The following PEX1 variants were observed in gnomAD, a reference collection of about 807,000 sequenced individuals.
PEX1 encodes peroxisomal biogenesis factor 1.
A neutral mutation model predicts 152.5 loss-of-function variants in PEX1; 97 were observed. The observed-to-expected ratio is 0.64, with a 90% confidence interval of 0.54 to 0.75. The LOEUF (loss-of-function observed/expected upper bound fraction) is 0.75. PEX1 is among the 30% of genes least tolerant of loss of function. The pLI, the probability that PEX1 is intolerant of heterozygous loss-of-function variation, is 0.00. For missense variants in PEX1, 1,357 were observed against 1,516.3 expected (o/e 0.89, Z 1.74); for synonymous variants, 485 against 531.6 (o/e 0.91, Z 1.21).
intron 7 of PEX1, 137 bp downstream of exon 7, chr7:92,511,443 A>T: frequency 1.3e-6 from 1 of 782,338 alleles, no homozygotes; most frequent in Non-Finnish European, 2.0e-6. Context: ...TTTTCAATAC[A>T]TAAAAACTAC....
chr7:92,512,028 G>A (rs1383083985), intron 6 of PEX1, among the ~76,000 whole-genome samples: 3 of 152,184 alleles, frequency 2.0e-5, no homozygotes, highest in Non-Finnish European at 2.9e-5. Context: ...GATAAAGACA[G>A]GAAAACAAAT....
rs61750428 is a variant in PEX1, at chr7:92,494,331, G to T, written c.2992C>A (p.Arg998=). 2.5e-6 allele frequency: 4 copies of T among 1,613,690 alleles called. No individual in the cohort carries two copies. Among genetic ancestry groups the T allele is most frequent in the Non-Finnish European group, 2.5e-6 (3 of 1,179,904 alleles). The change falls in exon 19 of 24, where the codon CGA becomes AGA. Residue 998 remains arginine, a synonymous_variant. Coordinates refer to ENST00000248633, the MANE Select transcript of PEX1 (RefSeq NM_000466.3). ...GGACAGTATACACATTTATCTAGTC[G>T]ACCAGGCCTAAGCAGGGCAGGGTCA... ...LIDPALLRPG[R]LDKCVYCPPP...
At chr7:92,514,737 A>T (rs2116225245) in intron 5 of PEX1, among the ~76,000 whole-genome samples, 1 of 152,260 alleles carries the variant, frequency 6.6e-6, no homozygotes, top group African/African-American at 2.4e-5. Flanking sequence ...ATATACTAAA[A>T]ATGACTGAAT....
chr7:92,490,491 T>C (rs952324215), intron 21 of PEX1, among the ~76,000 whole-genome samples: 8 of 151,804 alleles, frequency 5.3e-5, no homozygotes, highest in African/African-American at 1.9e-4. Flanking sequence ...AAAAATTAGC[T>C]GGGCATGGTG....
chr7:92,492,779 T>G (rs937499660), intron 20 of PEX1, among the ~76,000 whole-genome samples, 174 bp downstream of exon 20: 21 of 152,220 alleles, frequency 1.4e-4, no homozygotes, highest in Non-Finnish European at 2.8e-4. Context: ...TAATTATAAA[T>G]TCTCTGCAAA....
chr7:92,489,573 A>G (rs1334418793), intron 22 of PEX1, 141 bp downstream of exon 22: 2 of 1,024,856 alleles, frequency 2.0e-6, no homozygotes, highest in Non-Finnish European at 3.0e-6. Flanking sequence ...GCAAGGAAGC[A>G]CATAACCATG....
chr7:92,488,411 C>G (rs28562176), intron 23 of PEX1, among the ~76,000 whole-genome samples: 1,861 of 152,222 alleles, frequency 0.012, 41 homozygotes, highest in African/African-American at 0.043. Context: ...AAGGTAGCAG[C>G]TTCTAAAGAC....
chr7:92,521,258 G>A (rs1793036873), intron 2 of PEX1, among the ~76,000 whole-genome samples: 1 of 151,654 alleles, frequency 6.6e-6, no homozygotes. Flanking sequence ...AAGCCATTGA[G>A]CCCAGCCTCA....
intron 2 of PEX1, among the ~76,000 whole-genome samples, chr7:92,521,747 T>C (rs1342960167): frequency 6.6e-6 from 1 of 152,230 alleles, no homozygotes; most frequent in Non-Finnish European, 1.5e-5. Flanking sequence ...GAATTTTTTA[T>C]TTTTAATCAA....
chr7:92,502,971 A>G, intron 13 of PEX1, 70 bp downstream of exon 13: 1 of 1,308,390 alleles, frequency 7.6e-7, no homozygotes, highest in Non-Finnish European at 1.1e-6. Flanking sequence ...GCCACGAATT[A>G]CTAATAAAAT....
rs758268792 is a variant in PEX1, at chr7:92,503,068, G to A, written c.2199C>T (p.Cys733=). 10 of 1,613,426 alleles carry A rather than the reference G, an allele frequency of 6.2e-6. No individual in the cohort carries two copies. The highest frequency in any genetic ancestry group is 3.3e-5 in the Admixed American group (2 of 60,010). Residue 733 remains cysteine (C), a synonymous_variant, in exon 13 of 24, where the codon TGC becomes TGT. Coordinates refer to ENST00000248633, the MANE Select transcript of PEX1 (RefSeq NM_000466.3). ...GATTAGGAGGCTGAATGTGTTGGAC[G>A]CACTGAAATATGTGAACTCCTTGAG... ...VSAQGVHIFQ[C]VQHIQPPNQE... is the part of the protein sequence containing the mutation.
chr7:92,501,460 T>A (rs1791921467), intron 15 of PEX1, 47 bp downstream of exon 15: 5 of 1,494,142 alleles, frequency 3.3e-6, no homozygotes, highest in Non-Finnish European at 3.7e-6. Context: ...AATAATACAG[T>A]GGTTCTTCTG....
chr7:92,518,580 T>C (rs1476734608), intron 3 of PEX1, among the ~76,000 whole-genome samples: 5 of 152,188 alleles, frequency 3.3e-5, no homozygotes, highest in Admixed American at 2.6e-4. Flanking sequence ...TTCATTCTTT[T>C]TTTATTTGAG....
Position 92,494,380 on chromosome 7 carries a change from A to T in PEX1, c.2943T>A (p.Ala981=). ...VEGLQGVYVL[A]ATSRPDLIDP... ...CAATCAAGTCAGGGCGACTAGTAGC[A>T]GCCAATACATAAACACCTAGAGGAA... Residue 981 remains alanine (A), a synonymous_variant, in exon 19 of 24, where the codon GCT becomes GCA. Coordinates refer to ENST00000248633, the MANE Select transcript of PEX1 (RefSeq NM_000466.3). The T allele has an allele frequency of 6.2e-7, 1 of 1,613,986 alleles. No homozygotes were observed. The highest frequency in any genetic ancestry group is 1.1e-5 in the South Asian group (1 of 91,074).
chr7:92,501,391 C>T (rs1791917075), intron 15 of PEX1, 116 bp downstream of exon 15: 5 of 781,524 alleles, frequency 6.4e-6, no homozygotes, highest in Non-Finnish European at 1.1e-5. Context: ...TTTGGTAACT[C>T]AGTAAACACT....
In PEX1 at chr7:92,517,992, G is replaced by A. The variant is rs1295361699; in HGVS notation, c.523C>T (p.Leu175Phe). 14 of 1,613,866 alleles carry A rather than the reference G, an allele frequency of 8.7e-6. No individual in the cohort carries two copies. Among genetic ancestry groups the A allele is most frequent in the East Asian group, 6.7e-5 (3 of 44,886 alleles). ...SYGRLETDTKLLIQPKTRRAK... is the reference protein window; with the variant it reads ...SYGRLETDTKFLIQPKTRRAK... ...CGGCGTGTCTTTGGCTGAATAAGGA[G>A]TTTGGTGTCAGTTTCCAGCCTTCCA... The change falls in exon 5 of 24, where the codon CTC becomes TTC. Residue 175 changes from leucine (L) to phenylalanine (F), a missense_variant. Leu to Phe is a conservative substitution (Grantham distance 22). Transcript: ENST00000248633.
chr7:92,509,261 A>T, intron 9 of PEX1, 68 bp downstream of exon 9: 1 of 1,012,312 alleles, frequency 9.9e-7, no homozygotes, highest in Non-Finnish European at 1.6e-6. Context: ...TAATATTTAC[A>T]TTGAAAACTC....
Position 92,517,753 on chromosome 7 carries a change from G to GGAAAAAATGCTT in PEX1, c.750_761dup (p.Ser251_Ser254dup). The GGAAAAAATGCTT allele has an allele frequency of 6.3e-7, 1 of 1,598,218 alleles. No homozygotes were observed. Among genetic ancestry groups the GGAAAAAATGCTT allele is most frequent in the South Asian group, 1.1e-5 (1 of 88,462 alleles). ...TCTCTTGTTTCTTCTCAGATTGAAA[G>GGAAAAAATGCTT]GAAAAAATGCTTCCTATCATAGTCC... On this transcript the variant is annotated inframe_insertion, in exon 5 of 24. Coordinates refer to ENST00000248633, the MANE Select transcript of PEX1 (RefSeq NM_000466.3).
At chr7:92,523,057 T>C (rs2116272602) in intron 1 of PEX1, among the ~76,000 whole-genome samples, 1 of 152,326 alleles carries the variant, frequency 6.6e-6, no homozygotes, top group African/African-American at 2.4e-5. Flanking sequence ...CATTAAAACA[T>C]GTAAGTTTGT....
Sources: gnomAD v4.1 joint callset for allele counts (sites outside exome capture counted in the v4.1 genomes callset) on GRCh38, gnomAD v4.1.1 for gene constraint, MANE v1.5 for transcripts, NCBI Gene and HGNC (gene_info 2026-07-23, HGNC 2026-07-21) for gene names.